The following SYT16 variants were observed in gnomAD, a reference collection of about 807,000 sequenced individuals.
The protein encoded by SYT16 is synaptotagmin-16.
Under a neutral mutation model 61.4 loss-of-function variants are expected in SYT16, and 42 were observed. That is an observed-to-expected ratio of 0.68 (90% confidence interval 0.53 to 0.89). SYT16 has a LOEUF of 0.89. Ranked by LOEUF, SYT16 falls within the 40% of genes least tolerant of loss-of-function variation. The probability of loss-of-function intolerance (pLI) is 0.00; values close to 1 mark genes in which losing one functional copy is unlikely to be tolerated. For synonymous variants in SYT16, 314 were observed against 302.3 expected, an observed-to-expected ratio of 1.04 and a Z score of -0.40; for missense variants, 804 against 807.3, an observed-to-expected ratio of 1.00 and a Z score of 0.05.
intron 3 of SYT16, among the ~76,000 whole-genome samples, chr14:62,008,898 C>T (rs115573726): frequency 4.9e-4 from 75 of 152,178 alleles, no homozygotes; most frequent in African/African-American, 1.7e-3. Flanking sequence ...TCTAAACTTT[C>T]ACTATTAAAA....
intron 1 of SYT16, among the ~76,000 whole-genome samples, chr14:61,854,824 A>G (rs1258429843): frequency 6.6e-6 from 1 of 151,416 alleles, no homozygotes; most frequent in Non-Finnish European, 1.5e-5. Flanking sequence ...CCTAAAGTTT[A>G]TAAAAACTGT....
chr14:62,055,057 G>A (rs1401836261), intron 3 of SYT16, among the ~76,000 whole-genome samples: 3 of 152,202 alleles, frequency 2.0e-5, no homozygotes, highest in Non-Finnish European at 4.4e-5. Flanking sequence ...TTGCTTGTAA[G>A]GATTCATTGG....
At position 62,112,343 on chromosome 14, in the gene SYT16, A is replaced by G. The variant is rs1000478324; in HGVS notation, c.*11636A>G. On this transcript the variant is annotated 3_prime_UTR_variant, in exon 8 of 8. Coordinates refer to ENST00000683842, the MANE Select transcript of SYT16 (RefSeq NM_001367656.1). ...GCATATTTTATGCAGTCTAAACACT[A>G]TTTCTGTATTAGATATTTAAATGCA... The G allele has an allele frequency of 6.6e-6, 1 of 152,158 alleles. No individual in the cohort carries two copies. Among genetic ancestry groups the G allele is most frequent in the Non-Finnish European group, 1.5e-5 (1 of 68,002 alleles). 9.4% of individuals were successfully genotyped at this position (152,158 alleles called of 1,614,324 possible). A position where few individuals can be genotyped will look rare whatever the true frequency, so the allele number is the denominator to read the frequency against.
At chr14:61,981,365 A>G (rs912997726) in intron 2 of SYT16, among the ~76,000 whole-genome samples, 2 of 152,114 alleles carry the variant, frequency 1.3e-5, no homozygotes. Context: ...CCTTTCATCT[A>G]TCTGTATTTG....
intron 7 of SYT16, among the ~76,000 whole-genome samples, chr14:62,095,009 C>T (rs2057224077): frequency 1.3e-5 from 2 of 152,164 alleles, no homozygotes; most frequent in East Asian, 1.9e-4. Flanking sequence ...TTTCCTGTCT[C>T]TTGCCATAGC....
chr14:62,010,444 G>A (rs2053400016), intron 3 of SYT16, among the ~76,000 whole-genome samples: 1 of 152,150 alleles, frequency 6.6e-6, no homozygotes, highest in African/African-American at 2.4e-5. Flanking sequence ...AATATTTGAG[G>A]GAAGAACATT....
intron 1 of SYT16, among the ~76,000 whole-genome samples, chr14:61,845,689 G>T (rs1021693139): frequency 6.6e-6 from 1 of 151,876 alleles, no homozygotes; most frequent in Admixed American, 6.6e-5. Context: ...ATTTATTTCC[G>T]TTCTGATCTT....
At chr14:61,829,084 T>C (rs970325051) in intron 1 of SYT16, among the ~76,000 whole-genome samples, 10 of 152,230 alleles carry the variant, frequency 6.6e-5, no homozygotes, top group Non-Finnish European at 1.3e-4. Context: ...AAATAAAGTT[T>C]GCTAAAACCT....
intron 1 of SYT16, among the ~76,000 whole-genome samples, chr14:61,813,364 A>T (rs897292743): frequency 6.6e-6 from 1 of 152,230 alleles, no homozygotes; most frequent in Non-Finnish European, 1.5e-5. Context: ...GAAACTCTGA[A>T]TGGAAGCGTT....
At chr14:62,049,640 C>T (rs1183623334) in intron 3 of SYT16, among the ~76,000 whole-genome samples, 1 of 152,140 alleles carries the variant, frequency 6.6e-6, no homozygotes, top group Non-Finnish European at 1.5e-5. Context: ...ATGTTTAGTG[C>T]TTCCTTCAGG....
chr14:61,832,212 T>C, intron 1 of SYT16: 3 of 641,862 alleles, frequency 4.7e-6, no homozygotes, highest in South Asian at 4.2e-5. Flanking sequence ...AGACAGGTGC[T>C]TGACATGGGC....
chr14:62,090,636 G>T (rs1443138355), intron 7 of SYT16, among the ~76,000 whole-genome samples: 2 of 152,136 alleles, frequency 1.3e-5, no homozygotes, highest in Non-Finnish European at 2.9e-5. Flanking sequence ...GAGTGCATAG[G>T]TGATATTCCT....
intron 1 of SYT16, among the ~76,000 whole-genome samples, chr14:61,829,428 T>C (rs1050719140): frequency 4.6e-5 from 7 of 152,192 alleles, no homozygotes; most frequent in African/African-American, 1.7e-4. Flanking sequence ...GTTAGGTTTT[T>C]CAATCTCTAG....
chr14:62,031,788 G>A (rs997406199), intron 3 of SYT16, among the ~76,000 whole-genome samples: 11 of 152,082 alleles, frequency 7.2e-5, no homozygotes, highest in Non-Finnish European at 1.2e-4. Flanking sequence ...TGACACCGGG[G>A]AAACAAGCCT....
intron 3 of SYT16, among the ~76,000 whole-genome samples, chr14:62,059,766 A>G (rs1022886220): frequency 1.2e-4 from 15 of 124,180 alleles, no homozygotes; most frequent in Non-Finnish European, 2.0e-4. Flanking sequence ...ATATGTGTAT[A>G]TGTATACACA....
intron 7 of SYT16, among the ~76,000 whole-genome samples, chr14:62,094,847 G>A (rs538024588): frequency 1.1e-3 from 163 of 152,034 alleles, no homozygotes; most frequent in Non-Finnish European, 1.9e-3. Flanking sequence ...CAGGACAGGC[G>A]ATTTTTTTAT....
chr14:61,988,525 A>G (rs1251542789), intron 2 of SYT16, among the ~76,000 whole-genome samples: 1 of 152,236 alleles, frequency 6.6e-6, no homozygotes, highest in Non-Finnish European at 1.5e-5. Context: ...CTATAATGTT[A>G]TAAACCTTGA....
intron 4 of SYT16, among the ~76,000 whole-genome samples, chr14:62,074,562 T>G (rs2056414661): frequency 6.6e-6 from 1 of 152,198 alleles, no homozygotes; most frequent in South Asian, 2.1e-4. Context: ...TGATGGCTTT[T>G]ATCATTTTTT....
At chr14:62,039,777 A>G (rs1011284557) in intron 3 of SYT16, among the ~76,000 whole-genome samples, 1 of 151,428 alleles carries the variant, frequency 6.6e-6, no homozygotes, top group African/African-American at 2.4e-5. Flanking sequence ...CTTCACCACT[A>G]TATGAGAATA....
Sources: gnomAD v4.1 joint callset for allele counts (sites outside exome capture counted in the v4.1 genomes callset) on GRCh38, gnomAD v4.1.1 for gene constraint, MANE v1.5 for transcripts, NCBI Gene and HGNC (gene_info 2026-07-23, HGNC 2026-07-21) for gene names.